POU2F1: variants seen among roughly 807,000 people sequenced by gnomAD.
POU2F1 encodes the protein POU domain, class 2, transcription factor 1.
POU2F1 carries 16 observed loss-of-function variants against 84.9 expected under a neutral mutation model. The ratio of observed to expected loss-of-function variants is 0.19; its 90% confidence interval spans 0.13 to 0.29. The LOEUF is 0.29. Ranked by LOEUF, POU2F1 falls within the 10% of genes least tolerant of loss-of-function variation. The pLI, the probability that POU2F1 is intolerant of heterozygous loss-of-function variation, is 1.00. For synonymous variants in POU2F1, 368 were observed against 368.3 expected, an observed-to-expected ratio of 1.00 and a Z score of 0.01; for missense variants, 738 against 942.6, an observed-to-expected ratio of 0.78 and a Z score of 2.84.
rs762928005 is a variant in POU2F1, at chr1:167,427,247, T to C, written c.*11437T>C. 31 of 151,808 alleles carry C rather than the reference T, an allele frequency of 2.0e-4. 1 individual carries two copies. The highest frequency in any genetic ancestry group is 4.4e-5 in the Non-Finnish European group (3 of 67,914). 9.4% of individuals were successfully genotyped at this position (151,808 alleles called of 1,614,324 possible). On this transcript the variant is annotated 3_prime_UTR_variant, in exon 16 of 16. Transcript: ENST00000367866. ...TAGATTTTGTGTAGATGCATTTGTC[T>C]GCTGTAATTTTTTATATATATATTA...
intron 13 of POU2F1, among the ~76,000 whole-genome samples, chr1:167,411,346 A>C (rs1649952735): frequency 1.3e-5 from 2 of 152,012 alleles, no homozygotes; most frequent in African/African-American, 4.8e-5. Context: ...CCTACAAATA[A>C]TAATTTCTTA....
chr1:167,363,155 T>C (rs138402423), intron 2 of POU2F1, among the ~76,000 whole-genome samples: 362 of 152,318 alleles, frequency 2.4e-3, no homozygotes, highest in Non-Finnish European at 3.8e-3. Context: ...TTGTGACTTA[T>C]AAGAAGCTTT....
At chr1:167,350,524 C>A (rs1209089256) in intron 2 of POU2F1, among the ~76,000 whole-genome samples, 1 of 151,608 alleles carries the variant, frequency 6.6e-6, no homozygotes, top group Non-Finnish European at 1.5e-5. Flanking sequence ...GATTTTTTTT[C>A]TCTTTAAAGT....
At chr1:167,307,578 A>C (rs567179596) in intron 1 of POU2F1, among the ~76,000 whole-genome samples, 1 of 152,260 alleles carries the variant, frequency 6.6e-6, no homozygotes, top group South Asian at 2.1e-4. Flanking sequence ...AAAATGAAAG[A>C]ATAGTGCAAA....
chr1:167,256,901 C>G (rs1034074182), intron 1 of POU2F1, among the ~76,000 whole-genome samples: 7 of 152,104 alleles, frequency 4.6e-5, no homozygotes, highest in African/African-American at 1.7e-4. Flanking sequence ...TGAGTTGCTT[C>G]AGGGAGAGAG....
chr1:167,273,385 T>A (rs1269954401), intron 1 of POU2F1, among the ~76,000 whole-genome samples: 1 of 152,134 alleles, frequency 6.6e-6, no homozygotes, highest in Non-Finnish European at 1.5e-5. Flanking sequence ...GTGTGGGGGC[T>A]CCAACCCCAC....
At chr1:167,348,869 A>T (rs6681638) in intron 2 of POU2F1, among the ~76,000 whole-genome samples, 16,258 of 152,180 alleles carry the variant, frequency 0.11, 2,159 homozygotes, top group African/African-American at 0.32. Context: ...TCTGCTTTGC[A>T]TGGCTTGAGG....
chr1:167,411,649 C>T (rs974852016), intron 13 of POU2F1, among the ~76,000 whole-genome samples: 3 of 152,086 alleles, frequency 2.0e-5, no homozygotes, highest in Admixed American at 6.6e-5. Flanking sequence ...CTTTTTCTTC[C>T]CCAGAGCAGT....
chr1:167,364,326 C>A (rs191903316), intron 2 of POU2F1, among the ~76,000 whole-genome samples: 1 of 151,270 alleles, frequency 6.6e-6, no homozygotes, highest in Non-Finnish European at 1.5e-5. Context: ...GTCAGGAGAT[C>A]GAGACCATCC....
intron 1 of POU2F1, among the ~76,000 whole-genome samples, chr1:167,318,662 C>A (rs1245069556): frequency 6.6e-6 from 1 of 152,124 alleles, no homozygotes; most frequent in Non-Finnish European, 1.5e-5. Flanking sequence ...ATTTGCCAGC[C>A]AAGATTGATA....
At chr1:167,285,632 A>G (rs1251238273) in intron 1 of POU2F1, among the ~76,000 whole-genome samples, 1 of 152,192 alleles carries the variant, frequency 6.6e-6, no homozygotes, top group East Asian at 1.9e-4. Context: ...GTTTTATAGA[A>G]TCACAAAACC....
chr1:167,412,034 C>T lies in POU2F1; in HGVS notation c.1631C>T (p.Ser544Phe). The change falls in exon 14 of 16, where the codon TCC becomes TTC. Residue 544 changes from serine to phenylalanine, a missense_variant. Coordinates refer to ENST00000367866, the MANE Select transcript of POU2F1 (RefSeq NM_002697.4). Reference sequence around the variant, plus strand: ...CCTCCAGCTTCCTCAGCAGTCACGTCCCCCTCTCTGAGTCCCTCCCCTTCT... The same window carrying T: ...CCTCCAGCTTCCTCAGCAGTCACGTTCCCCTCTCTGAGTCCCTCCCCTTCT... ...TAPPASSAVT[S>F]PSLSPSPSAS... The T allele has an allele frequency of 6.2e-7, 1 of 1,614,206 alleles. No individual in the cohort carries two copies. Among genetic ancestry groups the T allele is most frequent in the Non-Finnish European group, 8.5e-7 (1 of 1,180,034 alleles).
chr1:167,319,087 A>G (rs1273601775), intron 1 of POU2F1: 1 of 153,356 alleles, frequency 6.5e-6, no homozygotes, highest in African/African-American at 2.4e-5. Flanking sequence ...GGTGTTGCTC[A>G]TGACAGTTGA....
chr1:167,312,347 C>A (rs1056762888), intron 1 of POU2F1, among the ~76,000 whole-genome samples: 4 of 151,562 alleles, frequency 2.6e-5, no homozygotes, highest in African/African-American at 9.7e-5. Context: ...CCTCAGCATC[C>A]CAAGTAGTGG....
In POU2F1 at chr1:167,260,719, C is replaced by T. The variant is rs539070432; in HGVS notation, c.61+39761C>T. Among the ~76,000 whole-genome samples, 41 of 152,220 alleles carry T rather than the reference C, an allele frequency of 2.7e-4. No individual in the cohort carries two copies. The South Asian group carries it at 7.7e-3, about 29-fold the overall frequency. ...TAATTTCCTGTATAGGAAAGTTGTT[C>T]GGTTTTCACTTTTGAAGCTGGCACT... On this transcript the variant is annotated intron_variant, in intron 1 of 15. Coordinates refer to ENST00000367866, the MANE Select transcript of POU2F1 (RefSeq NM_002697.4).
At chr1:167,315,485 G>C (rs1379188301) in intron 1 of POU2F1, among the ~76,000 whole-genome samples, 1 of 152,110 alleles carries the variant, frequency 6.6e-6, no homozygotes, top group African/African-American at 2.4e-5. Flanking sequence ...CTAACAAACA[G>C]TGGGACATTG....
intron 1 of POU2F1, among the ~76,000 whole-genome samples, chr1:167,314,258 T>TATGG (rs1451168522): frequency 1.3e-5 from 2 of 151,406 alleles, no homozygotes; most frequent in Non-Finnish European, 1.5e-5. Flanking sequence ...GAAGAGGCTG[T>TATGG]ATGGATGGCA....
chr1:167,305,909 C>T (rs1287565097), intron 1 of POU2F1, among the ~76,000 whole-genome samples: 1 of 152,182 alleles, frequency 6.6e-6, no homozygotes, highest in East Asian at 1.9e-4. Flanking sequence ...CCTGGAATTC[C>T]TACTCTGCTG....
chr1:167,370,052 T>A (rs190526586), intron 3 of POU2F1, 109 bp from the exon 4 acceptor site: 1 of 893,112 alleles, frequency 1.1e-6, no homozygotes, highest in African/African-American at 1.7e-5. Flanking sequence ...AACTTCTTTG[T>A]CTTCTCAGTT....
Sources: gnomAD v4.1 joint callset for allele counts (sites outside exome capture counted in the v4.1 genomes callset) on GRCh38, gnomAD v4.1.1 for gene constraint, MANE v1.5 for transcripts, NCBI Gene and HGNC (gene_info 2026-07-23, HGNC 2026-07-21) for gene names.